Variants in RIMS1 observed in about 807,000 individuals in gnomAD.
The protein encoded by RIMS1 is regulating synaptic membrane exocytosis 1.
Under a neutral mutation model 214.1 loss-of-function variants are expected in RIMS1, and 83 were observed. The observed-to-expected ratio is 0.39, with a 90% CI of 0.32 to 0.47. RIMS1 has a LOEUF of 0.47. RIMS1 is among the 20% of genes least tolerant of loss of function. RIMS1 has a pLI of 0.99. For missense variants in RIMS1, 2,050 were observed against 2,161.8 expected (o/e 0.95, Z 1.03); for synonymous variants, 793 against 786.8 (o/e 1.01, Z -0.13).
At chr6:72,290,903 C>T (rs199903521) in intron 25 of RIMS1, 42 bp downstream of exon 25, 52 of 1,590,404 alleles carry the variant, frequency 3.3e-5, no homozygotes, top group Admixed American at 5.1e-5. Context: ...GTCCTGCCTC[C>T]GGGTGTTGGT....
At chr6:71,888,429 G>T (rs954333186) in intron 1 of RIMS1, among the ~76,000 whole-genome samples, 5 of 152,178 alleles carry the variant, frequency 3.3e-5, no homozygotes, top group Non-Finnish European at 7.3e-5. Flanking sequence ...GCAAAAGAGG[G>T]GTGGGGAGGG....
chr6:72,176,289 T>C (rs2153963168), intron 4 of RIMS1, among the ~76,000 whole-genome samples: 1 of 152,256 alleles, frequency 6.6e-6, no homozygotes, highest in East Asian at 1.9e-4. Flanking sequence ...TATCCTCTTT[T>C]CTAAAAAAAA....
chr6:72,216,763 T>C, intron 6 of RIMS1: 1 of 987,092 alleles, frequency 1.0e-6, no homozygotes, highest in Non-Finnish European at 1.2e-6. Flanking sequence ...TTCTTCTGTG[T>C]TAGCTTTAAG....
In RIMS1 at chr6:72,179,637, G is replaced by T. The variant is rs1347081774; in HGVS notation, c.534G>T (p.Trp178Cys). ...AAATCTTAACCAAATCTGGGGCATG[G>T]TTCTTTGGAAGTGGCCCTCAGCAGA... ...QQEILTKSGA[W>C]FFGSGPQQTS... Residue 178 changes from tryptophan to cysteine, a missense_variant, in exon 5 of 34, where the codon TGG (tryptophan) becomes TGT (cysteine). Physicochemically the swap from Trp to Cys is radical, Grantham distance 215 (BLOSUM62 -2). Around this residue, in one of 6 missense-constraint regions of RIMS1, gnomAD observed 882 missense variants for 828.9 expected, o/e 1.06. Coordinates refer to ENST00000521978, the MANE Select transcript of RIMS1 (RefSeq NM_014989.7). 1 of 1,613,952 alleles carries T rather than the reference G, an allele frequency of 6.2e-7. No individual in the cohort carries two copies.
intron 2 of RIMS1, among the ~76,000 whole-genome samples, chr6:72,000,839 C>T (rs991181163): frequency 1.3e-5 from 2 of 152,152 alleles, no homozygotes; most frequent in Non-Finnish European, 2.9e-5. Context: ...TATTAACCTT[C>T]CCACATCCTC....
At chr6:72,022,846 A>G (rs1017063059) in intron 2 of RIMS1, among the ~76,000 whole-genome samples, 1 of 152,184 alleles carries the variant, frequency 6.6e-6, no homozygotes, top group Non-Finnish European at 1.5e-5. Flanking sequence ...AAGCAGGAGG[A>G]CACAGTGGGG....
intron 1 of RIMS1, among the ~76,000 whole-genome samples, chr6:71,915,500 T>C (rs902240357): frequency 6.6e-6 from 1 of 152,192 alleles, no homozygotes; most frequent in Non-Finnish European, 1.5e-5. Context: ...CTTTTTCACT[T>C]GAGAACACCT....
chr6:72,361,969 C>CTGTATTGTATTGTATTGTAT (rs71540338), intron 29 of RIMS1, among the ~76,000 whole-genome samples: 279 of 146,824 alleles, frequency 1.9e-3, no homozygotes, highest in African/African-American at 3.9e-3. Flanking sequence ...AGGACCATTA[C>CTGTATTGTATTGTATTGTAT]TGTATTGTAT....
chr6:71,954,248 T>C (rs1262311250), intron 1 of RIMS1, among the ~76,000 whole-genome samples: 1 of 152,190 alleles, frequency 6.6e-6, no homozygotes, highest in Non-Finnish European at 1.5e-5. Context: ...AATATCAATT[T>C]TAGGATTTTC....
chr6:72,093,142 A>G (rs1228312609), intron 2 of RIMS1, among the ~76,000 whole-genome samples: 2 of 150,436 alleles, frequency 1.3e-5, no homozygotes, highest in Non-Finnish European at 3.0e-5. Flanking sequence ...AAATAAAACG[A>G]TTTTAGGAAT....
chr6:71,931,363 C>T (rs1782980754), intron 1 of RIMS1, among the ~76,000 whole-genome samples: 1 of 151,848 alleles, frequency 6.6e-6, no homozygotes, highest in Admixed American at 6.6e-5. Flanking sequence ...GTAAGCTCTA[C>T]CATGTATAGA....
intron 2 of RIMS1, among the ~76,000 whole-genome samples, chr6:71,978,976 G>C (rs1048209825): frequency 1.3e-5 from 2 of 152,078 alleles, no homozygotes; most frequent in Non-Finnish European, 2.9e-5. Flanking sequence ...AAAAAATTGT[G>C]TGGCTTTTAT....
At chr6:72,285,442 A>G (rs1262555833) in intron 24 of RIMS1, among the ~76,000 whole-genome samples, 1 of 152,246 alleles carries the variant, frequency 6.6e-6, no homozygotes, top group African/African-American at 2.4e-5. Flanking sequence ...TTTCCAGAGG[A>G]TGTTAACACT....
rs141587419 is a variant in RIMS1, at chr6:72,190,419, C to T, written c.1678+7270C>T. Among the ~76,000 whole-genome samples, 1,096 of 146,452 alleles carry T rather than the reference C, an allele frequency of 7.5e-3. 9 individuals carry two copies. Among genetic ancestry groups the T allele is most frequent in the Middle Eastern group, 0.019 (5 of 270 alleles). On this transcript the variant is annotated intron_variant, in intron 6 of 33. Transcript: ENST00000521978. ...CAGAGGTTGCCGTGAGCTGAGATCG[C>T]GCCATTGCACTCCAGCCTTGGCAAC...
chr6:71,953,719 T>C (rs116129078), intron 1 of RIMS1, among the ~76,000 whole-genome samples: 1,927 of 152,294 alleles, frequency 0.013, 52 homozygotes, highest in African/African-American at 0.044. Flanking sequence ...CTTAATTTAG[T>C]GACTTCCAGC....
At chr6:72,011,655 A>C (rs1311815248) in intron 2 of RIMS1, among the ~76,000 whole-genome samples, 4 of 152,192 alleles carry the variant, frequency 2.6e-5, no homozygotes, top group Admixed American at 1.3e-4. Context: ...CAACCCCATG[A>C]AAAAGTGGGC....
At chr6:72,343,764 A>G (rs151204641) in intron 29 of RIMS1, among the ~76,000 whole-genome samples, 2 of 151,820 alleles carry the variant, frequency 1.3e-5, no homozygotes, top group East Asian at 3.9e-4. Flanking sequence ...GGAGTTCACT[A>G]TTCTACAAGA....
chr6:71,974,354 G>A (rs573296980), intron 2 of RIMS1, among the ~76,000 whole-genome samples: 2 of 152,170 alleles, frequency 1.3e-5, no homozygotes, highest in South Asian at 4.1e-4. Context: ...ATCAGAGGCA[G>A]GAAGTGCTGC....
At chr6:72,209,730 T>C (rs1393712629) in intron 6 of RIMS1, among the ~76,000 whole-genome samples, 2 of 151,892 alleles carry the variant, frequency 1.3e-5, no homozygotes, top group Non-Finnish European at 2.9e-5. Flanking sequence ...TGAAACCCTG[T>C]CTCTACTAAA....
Sources: gnomAD v4.1 joint callset for allele counts (sites outside exome capture counted in the v4.1 genomes callset) on GRCh38, gnomAD v4.1.1 for gene constraint, gnomAD v4.1.1 regional missense constraint, MANE v1.5 for transcripts, NCBI Gene and HGNC (gene_info 2026-07-23, HGNC 2026-07-21) for gene names.